NTM: variants seen among roughly 807,000 people sequenced by gnomAD.
NTM encodes IgLON family member 2.
Under a neutral mutation model 42.1 loss-of-function variants are expected in NTM, and 13 were observed. The observed-to-expected ratio is 0.31, with a 90% CI of 0.20 to 0.49. The LOEUF (loss-of-function observed/expected upper bound fraction) is 0.49, where lower values mean the gene tolerates loss of function less well. NTM is among the 20% of genes least tolerant of loss of function. NTM has a pLI of 0.99. For missense variants in NTM, 373 were observed against 452.8 expected (o/e 0.82, Z 1.60); for synonymous variants, 187 against 179.2 (o/e 1.04, Z -0.35).
At chr11:131,585,339 G>T (rs2058758087) in intron 1 of NTM, among the ~76,000 whole-genome samples, 1 of 152,224 alleles carries the variant, frequency 6.6e-6, no homozygotes, top group African/African-American at 2.4e-5. Flanking sequence ...CTGGCTGGGG[G>T]AACCCACGCT....
chr11:131,942,015 A>G (rs1269735551), intron 2 of NTM, among the ~76,000 whole-genome samples: 1 of 151,824 alleles, frequency 6.6e-6, no homozygotes, highest in East Asian at 1.9e-4. Context: ...CCTTCTGGAG[A>G]TATTTATTGA....
intron 2 of NTM, among the ~76,000 whole-genome samples, chr11:131,976,682 T>C (rs1257178433): frequency 6.6e-6 from 1 of 152,188 alleles, no homozygotes; most frequent in Non-Finnish European, 1.5e-5. Context: ...GGATGCTCTC[T>C]GGAGTTCTGA....
intron 2 of NTM, among the ~76,000 whole-genome samples, chr11:131,929,595 C>T (rs2134069977): frequency 6.6e-6 from 1 of 152,224 alleles, no homozygotes; most frequent in African/African-American, 2.4e-5. Context: ...CTCCTCTGCA[C>T]TCCCACAATT....
At chr11:131,795,840 G>A in intron 1 of NTM, 1 of 985,304 alleles carries the variant, frequency 1.0e-6, no homozygotes, top group African/African-American at 1.7e-5. Flanking sequence ...CTGCACCATG[G>A]CAAGAATGCA....
chr11:131,906,906 G>A lies in NTM; in HGVS notation c.83-4658G>A, dbSNP rs79943826. On this transcript the variant is annotated intron_variant, in intron 1 of 8. Coordinates refer to ENST00000683400, the MANE Select transcript of NTM (RefSeq NM_001352005.2). Reference sequence around the variant, plus strand: ...TTGGACTATAGCCCAGATGAACCACGATTTTATTTTGATCCTGTATTCATA... The same window carrying A: ...TTGGACTATAGCCCAGATGAACCACAATTTTATTTTGATCCTGTATTCATA... Among the ~76,000 whole-genome samples, 285 of 152,212 alleles carry A rather than the reference G, an allele frequency of 1.9e-3. 2 individuals are homozygous for A. The highest frequency in any genetic ancestry group is 6.7e-3 in the African/African-American group (280 of 41,544).
intron 1 of NTM, among the ~76,000 whole-genome samples, chr11:131,450,844 C>A (rs2136042471): frequency 6.6e-6 from 1 of 151,964 alleles, no homozygotes; most frequent in East Asian, 1.9e-4. Context: ...TTTTATAGCC[C>A]AAATATTCAT....
At chr11:132,076,982 C>T (rs2058451882) in intron 2 of NTM, among the ~76,000 whole-genome samples, 1 of 152,126 alleles carries the variant, frequency 6.6e-6, no homozygotes, top group Non-Finnish European at 1.5e-5. Flanking sequence ...AATTCTTTCC[C>T]TTCATATTCC....
At chr11:131,822,580 C>T (rs1404103216) in intron 1 of NTM, among the ~76,000 whole-genome samples, 1 of 152,166 alleles carries the variant, frequency 6.6e-6, no homozygotes, top group Non-Finnish European at 1.5e-5. Flanking sequence ...ATAACAGCTG[C>T]TTTCAGTGTC....
At chr11:131,444,203 C>CAAAAAAAAAA (rs71475757) in intron 1 of NTM, among the ~76,000 whole-genome samples, 4 of 49,512 alleles carry the variant, frequency 8.1e-5, no homozygotes, top group Non-Finnish European at 7.2e-5. Context: ...AGGTTAGAAC[C>CAAAAAAAAAA]AAAAAAAAAA....
chr11:131,564,513 T>A (rs1312961210), intron 1 of NTM, among the ~76,000 whole-genome samples: 3 of 152,060 alleles, frequency 2.0e-5, no homozygotes, highest in African/African-American at 4.8e-5. Flanking sequence ...ATTTTTTTTT[T>A]ATTTTTCCAG....
intron 2 of NTM, among the ~76,000 whole-genome samples, chr11:132,069,717 T>C (rs1334401644): frequency 6.8e-6 from 1 of 148,112 alleles, no homozygotes; most frequent in African/African-American, 2.5e-5. Flanking sequence ...GGTTAACACG[T>C]CACACTGACC....
chr11:132,314,007 C>G (rs2095355356), intron 6 of NTM, among the ~76,000 whole-genome samples: 1 of 152,124 alleles, frequency 6.6e-6, no homozygotes, highest in African/African-American at 2.4e-5. Flanking sequence ...GATTTTTCTC[C>G]TCTTCATAGC....
chr11:131,533,782 G>A (rs1430161463), intron 1 of NTM: 1 of 152,264 alleles, frequency 6.6e-6, no homozygotes, highest in Non-Finnish European at 1.5e-5. Flanking sequence ...AAGGGGAGAA[G>A]AGGCTACAAG....
chr11:131,784,068 A>C (rs1447707603), intron 1 of NTM, among the ~76,000 whole-genome samples: 1 of 152,204 alleles, frequency 6.6e-6, no homozygotes, highest in Non-Finnish European at 1.5e-5. Flanking sequence ...AAGAAAATGC[A>C]AACTGAAACC....
chr11:131,726,812 C>G (rs908713699), intron 1 of NTM, among the ~76,000 whole-genome samples: 2 of 150,538 alleles, frequency 1.3e-5, no homozygotes, highest in Non-Finnish European at 2.9e-5. Flanking sequence ...CTAATGGGCT[C>G]AAGTGATCCT....
chr11:132,215,489 T>C (rs1839314), intron 4 of NTM, among the ~76,000 whole-genome samples: 56,209 of 152,046 alleles, frequency 0.37, 10,903 homozygotes, highest in Middle Eastern at 0.54. Flanking sequence ...AAGGACTATT[T>C]TAGACGTGGC....
At chr11:131,570,358 T>C (rs1346809897) in intron 1 of NTM, among the ~76,000 whole-genome samples, 1 of 152,196 alleles carries the variant, frequency 6.6e-6, no homozygotes, top group African/African-American at 2.4e-5. Context: ...CTCCATTCCT[T>C]GGTTCTGGCT....
chr11:131,856,754 T>C (rs1370184679), intron 1 of NTM, among the ~76,000 whole-genome samples: 4 of 152,214 alleles, frequency 2.6e-5, no homozygotes, highest in Non-Finnish European at 2.9e-5. Flanking sequence ...AATTTTAAAA[T>C]ATGCCTGACT....
chr11:132,119,187 G>A (rs1436594329), intron 2 of NTM, among the ~76,000 whole-genome samples: 2 of 152,224 alleles, frequency 1.3e-5, no homozygotes, highest in African/African-American at 2.4e-5. Flanking sequence ...CCCCAGGGCT[G>A]TAGCTCTGTG....
Sources: allele counts gnomAD v4.1 joint callset (sites outside exome capture counted in the v4.1 genomes callset), GRCh38; gene constraint gnomAD v4.1.1; transcripts MANE v1.5; gene names NCBI Gene and HGNC (gene_info 2026-07-23, HGNC 2026-07-21).